Variants in AKAP7 observed in about 807,000 individuals in gnomAD.
AKAP7 encodes the protein A kinase (PRKA) anchor protein 7.
Under a neutral mutation model 39.5 loss-of-function variants are expected in AKAP7, and 39 were observed. The ratio of observed to expected loss-of-function variants is 0.99; its 90% confidence interval spans 0.76 to 1.29. AKAP7 has a LOEUF of 1.29. Among genes scored for constraint, AKAP7 ranks in the 50% most tolerant of loss-of-function variants. AKAP7 has a pLI of 0.00. For synonymous variants in AKAP7, 140 were observed against 139.1 expected (o/e 1.01, Z -0.05); for missense variants, 414 against 407.7 (o/e 1.02, Z -0.13).
chr6:131,185,082 C>T (rs191896506), intron 5 of AKAP7: 52 of 689,070 alleles, frequency 7.5e-5, no homozygotes, highest in Middle Eastern at 2.5e-4. Context: ...ATCATCAACT[C>T]GGGGATCTGG....
chr6:131,149,348 G>A (rs1801727880), intron 2 of AKAP7, among the ~76,000 whole-genome samples: 1 of 152,180 alleles, frequency 6.6e-6, no homozygotes, highest in Admixed American at 6.5e-5. Context: ...TAGAAATGAT[G>A]GGGAGGCTGG....
intron 7 of AKAP7, among the ~76,000 whole-genome samples, chr6:131,274,272 GT>G (rs1423680116): frequency 6.6e-6 from 1 of 152,048 alleles, no homozygotes; most frequent in Non-Finnish European, 1.5e-5. Context: ...GATTCTTTGA[GT>G]TTCTCGATTT....
At chr6:131,217,076 A>C (rs1331448593) in intron 6 of AKAP7, among the ~76,000 whole-genome samples, 1 of 151,656 alleles carries the variant, frequency 6.6e-6, no homozygotes, top group Non-Finnish European at 1.5e-5. Context: ...GCCTATGATG[A>C]AGGGTCTGGC....
chr6:131,199,590 A>T lies in AKAP7; in HGVS notation c.702+17A>T. 1 of 1,550,992 alleles carries T rather than the reference A, an allele frequency of 6.4e-7. No individual in the cohort carries two copies. ...CGTAAGAATGTGAGTGCATGTTCTT[A>T]TTGCAAGCCTGTTTTACCAGGCCAC... On this transcript the variant is annotated intron_variant, in intron 6 of 7. Transcript: ENST00000431975.
intron 2 of AKAP7, among the ~76,000 whole-genome samples, chr6:131,153,243 A>G (rs541390691): frequency 6.6e-6 from 1 of 152,232 alleles, no homozygotes; most frequent in South Asian, 2.1e-4. Context: ...GTAAAACTGT[A>G]CTGTAGCAAT....
At chr6:131,259,365 C>T (rs367821970) in intron 7 of AKAP7, among the ~76,000 whole-genome samples, 5 of 151,924 alleles carry the variant, frequency 3.3e-5, no homozygotes, top group African/African-American at 9.7e-5. Flanking sequence ...AGGATGGTGA[C>T]GAGCCTGGAA....
At chr6:131,264,440 T>C (rs764018011) in intron 7 of AKAP7, among the ~76,000 whole-genome samples, 1 of 152,206 alleles carries the variant, frequency 6.6e-6, no homozygotes, top group African/African-American at 2.4e-5. Context: ...AGAATGTAAA[T>C]GTTAGCTATA....
At chr6:131,250,407 TTCTC>T in intron 7 of AKAP7, 1 of 1,453,758 alleles carries the variant, frequency 6.9e-7, no homozygotes. Context: ...CCCTTCTCCT[TTCTC>T]TCCCCCGGCG....
intron 7 of AKAP7, among the ~76,000 whole-genome samples, chr6:131,273,464 T>A (rs766662535): frequency 1.3e-5 from 2 of 152,212 alleles, no homozygotes; most frequent in Non-Finnish European, 2.9e-5. Context: ...TTATCTCCAT[T>A]ATTGGCTTAT....
upstream of AKAP7, among the ~76,000 whole-genome samples, chr6:131,133,640 C>T (rs1001498512): frequency 2.0e-5 from 3 of 152,200 alleles, no homozygotes; most frequent in Non-Finnish European, 4.4e-5. Flanking sequence ...TCTTGGTACA[C>T]ACCACAGGGG....
intron 7 of AKAP7, among the ~76,000 whole-genome samples, chr6:131,240,265 G>A (rs1425473150): frequency 6.6e-6 from 1 of 152,208 alleles, no homozygotes; most frequent in Non-Finnish European, 1.5e-5. Flanking sequence ...CGTTCCTCTG[G>A]AAGTTTTGTC....
rs772165032 is a variant in AKAP7, at chr6:131,145,376, C to G, written c.111C>G (p.Asp37Glu). The G allele has an allele frequency of 6.4e-7, 1 of 1,565,830 alleles. No homozygotes were observed. Among genetic ancestry groups the G allele is most frequent in the South Asian group, 1.2e-5 (1 of 81,220 alleles). ...CCAATACTATGGATTCTCTGGTAGA[C>G]ATGCCATTTGCTACTGTAGATATTC... is the stretch of plus-strand genomic sequence containing the variant. ...FEANTMDSLV[D>E]MPFATVDIQD... Residue 37 changes from aspartate (D) to glutamate (E), a missense_variant, in exon 2 of 8, where the codon GAC becomes GAG. Coordinates refer to ENST00000431975, the MANE Select transcript of AKAP7 (RefSeq NM_016377.4).
chr6:131,193,056 G>C (rs975150137), intron 5 of AKAP7, among the ~76,000 whole-genome samples: 2 of 151,986 alleles, frequency 1.3e-5, no homozygotes, highest in Non-Finnish European at 2.9e-5. Flanking sequence ...TTCTTTTTCA[G>C]TTTGAATGCC....
rs201799632 is a variant in AKAP7 at position 131,256,752 on chromosome 6, CA to C, written c.851-24777del. ...ATTATTATTAAAGAGATGGCCCAAGCAGGTCTCAAACTCCTGGCCTCAAGTG... is the reference window on the plus strand; with the variant it reads ...ATTATTATTAAAGAGATGGCCCAAGCGGTCTCAAACTCCTGGCCTCAAGTG... On this transcript the variant is annotated intron_variant, in intron 7 of 7. Transcript: ENST00000431975. 0.015 allele frequency among the ~76,000 whole-genome samples: 2,147 copies of C among 147,412 alleles called. 138 individuals carry two copies. The East Asian group carries it at 0.18, about 12-fold the overall frequency.
intron 5 of AKAP7, among the ~76,000 whole-genome samples, chr6:131,183,086 C>T (rs1805436541): frequency 6.6e-6 from 1 of 152,034 alleles, no homozygotes; most frequent in Non-Finnish European, 1.5e-5. Flanking sequence ...AACCATCCAG[C>T]AGAGGGCTCT....
intron 3 of AKAP7, among the ~76,000 whole-genome samples, chr6:131,163,230 G>C (rs1208532230): frequency 6.6e-6 from 1 of 152,144 alleles, no homozygotes; most frequent in African/African-American, 2.4e-5. Flanking sequence ...CTTTTCAAGA[G>C]ACTTATTTGT....
At chr6:131,182,034 G>A (rs1209664960) in intron 5 of AKAP7, among the ~76,000 whole-genome samples, 3 of 152,048 alleles carry the variant, frequency 2.0e-5, no homozygotes, top group African/African-American at 7.2e-5. Flanking sequence ...GCTGAGGCAG[G>A]GGAATCGCAT....
In AKAP7 at chr6:131,282,006, T is replaced by C; in HGVS notation, c.*280T>C. The C allele has an allele frequency of 9.4e-6, 11 of 1,165,512 alleles. No individual in the cohort carries two copies. Among genetic ancestry groups the C allele is most frequent in the Non-Finnish European group, 1.2e-5 (11 of 946,966 alleles). 72.2% of individuals were successfully genotyped at this position (1,165,512 alleles called of 1,614,324 possible). ...ACAAGGGAAAGGGAACTTTGGGTTA[T>C]GCCTCCTGGACGCAAATTAAAGGCC... On this transcript the variant is annotated 3_prime_UTR_variant, in exon 8 of 8. Transcript: ENST00000431975.
intron 6 of AKAP7, among the ~76,000 whole-genome samples, chr6:131,205,654 TAAGGACAGATTCTGTGA>T (rs1808026585): frequency 6.6e-6 from 1 of 152,202 alleles, no homozygotes; most frequent in African/African-American, 2.4e-5. Flanking sequence ...GAGTTGAGGC[TAAGGACAGATTCTGTGA>T]AACATAAGGC....
Sources: allele counts gnomAD v4.1 joint callset (sites outside exome capture counted in the v4.1 genomes callset), GRCh38; gene constraint gnomAD v4.1.1; transcripts MANE v1.5; gene names NCBI Gene and HGNC (gene_info 2026-07-23, HGNC 2026-07-21).